The following PLXNA4 variants were observed in gnomAD, a reference collection of about 807,000 sequenced individuals.
PLXNA4 encodes plexin-A4.
PLXNA4 carries 44 observed loss-of-function variants against 191.8 expected under a neutral mutation model. The observed-to-expected ratio is 0.23, with a 90% confidence interval of 0.18 to 0.29. The LOEUF (loss-of-function observed/expected upper bound fraction) is 0.29. Ranked by LOEUF, PLXNA4 falls within the 10% of genes least tolerant of loss-of-function variation. The pLI is 1.00. For missense variants in PLXNA4, 1,800 were observed against 2,488.8 expected (o/e 0.72, Z 5.89); for synonymous variants, 1,082 against 1,009.5 (o/e 1.07, Z -1.36).
At position 132,268,360 on chromosome 7, in the gene PLXNA4, C is replaced by A. The variant is rs1038445214; in HGVS notation, c.1504-27194G>T. ...ACTACAGCACCATGGAAATACCATG[C>A]ATGACAGTTTCCTCCTTTGCCTCAC... On this transcript the variant is annotated intron_variant, in intron 4 of 31. Coordinates refer to ENST00000321063, the MANE Select transcript of PLXNA4 (RefSeq NM_020911.2). 5.9e-5 allele frequency among the ~76,000 whole-genome samples: 9 copies of A among 152,240 alleles called. No homozygotes were observed. The East Asian group carries it at 7.7e-4, about 13-fold the overall frequency.
chr7:132,292,190 T>C (rs896690142), intron 4 of PLXNA4, among the ~76,000 whole-genome samples: 4 of 152,204 alleles, frequency 2.6e-5, no homozygotes, highest in Non-Finnish European at 5.9e-5. Context: ...TCACGACTAC[T>C]AAAATATGAC....
At chr7:132,308,983 A>C (rs868292978) in intron 3 of PLXNA4, among the ~76,000 whole-genome samples, 3 of 152,172 alleles carry the variant, frequency 2.0e-5, no homozygotes, top group African/African-American at 4.8e-5. Flanking sequence ...ACCTAAGGGC[A>C]GGAGAGGGAG....
At chr7:132,471,425 G>A (rs940154760) in intron 3 of PLXNA4, among the ~76,000 whole-genome samples, 6 of 152,158 alleles carry the variant, frequency 3.9e-5, no homozygotes, top group African/African-American at 1.2e-4. Context: ...TACACTGCCC[G>A]TTCCTGGTGA....
At chr7:132,601,322 G>A (rs1235237001) in intron 2 of PLXNA4, among the ~76,000 whole-genome samples, 1 of 151,878 alleles carries the variant, frequency 6.6e-6, no homozygotes, top group Non-Finnish European at 1.5e-5. Flanking sequence ...TAGTGTGGTA[G>A]AGCCCGTGAG....
chr7:132,307,496 C>T (rs1801569385), intron 3 of PLXNA4, among the ~76,000 whole-genome samples: 1 of 152,132 alleles, frequency 6.6e-6, no homozygotes, highest in African/African-American at 2.4e-5. Flanking sequence ...TGAAAACACT[C>T]AAAGTAATCA....
intron 2 of PLXNA4, among the ~76,000 whole-genome samples, chr7:132,598,673 A>ATCGTTTGCTTGTTGATTTGCAAG (rs1491434607): frequency 2.7e-5 from 4 of 150,322 alleles, no homozygotes; most frequent in African/African-American, 1.0e-4. Context: ...TGTGAATTCT[A>ATCGTTTGCTTGTTGATTTGCAAG]AATAACAGTG....
At chr7:132,180,064 T>TG (rs997821668) in intron 19 of PLXNA4, 143 bp from the exon 20 acceptor site, 51 of 1,390,934 alleles carry the variant, frequency 3.7e-5, no homozygotes, top group Non-Finnish European at 4.7e-5. Context: ...CAAGAGGGCA[T>TG]GGGGGGCTGG....
intron 3 of PLXNA4, among the ~76,000 whole-genome samples, chr7:132,377,880 C>T (rs1804725541): frequency 6.6e-6 from 1 of 152,062 alleles, no homozygotes; most frequent in Non-Finnish European, 1.5e-5. Context: ...CAGCCTGGCA[C>T]AAAAGAAAAG....
intron 2 of PLXNA4, among the ~76,000 whole-genome samples, chr7:132,626,488 C>A (rs1307404295): frequency 6.6e-6 from 1 of 152,144 alleles, no homozygotes; most frequent in Admixed American, 6.5e-5. Flanking sequence ...AGTGGTTTAG[C>A]ACCATCCCTT....
At chr7:132,352,052 A>G (rs1478348047) in intron 3 of PLXNA4, among the ~76,000 whole-genome samples, 1 of 152,114 alleles carries the variant, frequency 6.6e-6, no homozygotes, top group East Asian at 1.9e-4. Flanking sequence ...CACTGACATA[A>G]TATCGGCCTT....
chr7:132,312,793 G>C (rs771863205), intron 3 of PLXNA4, among the ~76,000 whole-genome samples: 1 of 152,126 alleles, frequency 6.6e-6, no homozygotes, highest in Non-Finnish European at 1.5e-5. Context: ...ATCAGTTGAC[G>C]TGAAGATTTA....
At chr7:132,205,250 A>G (rs894440693) in intron 10 of PLXNA4, among the ~76,000 whole-genome samples, 6 of 152,112 alleles carry the variant, frequency 3.9e-5, no homozygotes, top group African/African-American at 1.4e-4. Flanking sequence ...TGGCTCTTAG[A>G]GTGGTCTATG....
chr7:132,638,467 C>T (rs1464198443), intron 2 of PLXNA4, among the ~76,000 whole-genome samples: 1 of 152,124 alleles, frequency 6.6e-6, no homozygotes, highest in African/African-American at 2.4e-5. Flanking sequence ...GCCTGGCCAA[C>T]ATGGTGAAAC....
chr7:132,287,384 C>T (rs548287072), intron 4 of PLXNA4, among the ~76,000 whole-genome samples: 5 of 152,330 alleles, frequency 3.3e-5, no homozygotes, highest in South Asian at 4.1e-4. Context: ...AAGCCTACTA[C>T]GTGCTAGGCA....
At position 132,227,503 on chromosome 7, in the gene PLXNA4, G is replaced by A; in HGVS notation, c.1830C>T (p.Ile610=). ...EMDGLVVGNQ[I]QCYSPAAKEV... The stretch of plus-strand genomic sequence containing the variant: ...CCTTGGCTGCAGGGGAGTAGCACTG[G>A]ATCTGATTGCCCACGACCAGCCCAT... The change falls in exon 7 of 32, where the codon ATC becomes ATT. Residue 610 remains isoleucine, a synonymous_variant. Transcript: ENST00000321063. The A allele has an allele frequency of 1.2e-6, 2 of 1,614,198 alleles. No homozygotes were observed. Among genetic ancestry groups the A allele is most frequent in the Non-Finnish European group, 1.7e-6 (2 of 1,180,046 alleles).
intron 4 of PLXNA4, among the ~76,000 whole-genome samples, chr7:132,253,146 G>A (rs1392617874): frequency 6.6e-6 from 1 of 151,862 alleles, no homozygotes; most frequent in African/African-American, 2.4e-5. Context: ...ATATTTTAAA[G>A]ATGCTTTAAC....
intron 1 of PLXNA4, among the ~76,000 whole-genome samples, chr7:132,534,482 G>A (rs1381100931): frequency 6.6e-6 from 1 of 152,050 alleles, no homozygotes; most frequent in Admixed American, 6.5e-5. Flanking sequence ...TGCAGAGACC[G>A]AGAATCTGGC....
At chr7:132,165,293 G>A in intron 22 of PLXNA4, 93 bp from the exon 23 acceptor site, 1 of 1,502,664 alleles carries the variant, frequency 6.7e-7, no homozygotes, top group Non-Finnish European at 8.9e-7. Context: ...GGGAGGAATT[G>A]TGCATTGATC....
At chr7:132,248,237 C>T (rs774643159) in intron 4 of PLXNA4, among the ~76,000 whole-genome samples, 3 of 152,190 alleles carry the variant, frequency 2.0e-5, no homozygotes, top group Non-Finnish European at 2.9e-5. Context: ...TGGAGAGAGA[C>T]CTGAGCCCAA....
Sources: allele counts gnomAD v4.1 joint callset (sites outside exome capture counted in the v4.1 genomes callset), GRCh38; gene constraint gnomAD v4.1.1; transcripts MANE v1.5; gene names NCBI Gene and HGNC (gene_info 2026-07-23, HGNC 2026-07-21).